SDK1: variants seen among roughly 807,000 people sequenced by gnomAD.
SDK1 encodes protein sidekick-1.
SDK1 carries 157 observed loss-of-function variants against 245.5 expected under a neutral mutation model. That is an observed-to-expected ratio of 0.64 (90% CI 0.56 to 0.73). The LOEUF (loss-of-function observed/expected upper bound fraction) is 0.73. Ranked by LOEUF, SDK1 falls within the 30% of genes least tolerant of loss-of-function variation. The pLI is 0.00. For synonymous variants in SDK1, 1,647 were observed against 1,278.5 expected, an observed-to-expected ratio of 1.29 and a Z score of -6.15; for missense variants, 3,583 against 3,002.3, an observed-to-expected ratio of 1.19 and a Z score of -4.52.
intron 5 of SDK1, among the ~76,000 whole-genome samples, chr7:3,950,044 C>G (rs1780736823): frequency 6.6e-6 from 1 of 152,166 alleles, no homozygotes; most frequent in Non-Finnish European, 1.5e-5. Flanking sequence ...ACTCAGTAAG[C>G]AAACTCTTAA....
chr7:3,790,878 G>T (rs1346373436), intron 4 of SDK1, among the ~76,000 whole-genome samples: 1 of 152,110 alleles, frequency 6.6e-6, no homozygotes, highest in Non-Finnish European at 1.5e-5. Flanking sequence ...TGGGACAGGG[G>T]AATATTCATT....
At chr7:3,532,444 C>T (rs777839181) in intron 1 of SDK1, among the ~76,000 whole-genome samples, 3 of 152,138 alleles carry the variant, frequency 2.0e-5, no homozygotes, top group Non-Finnish European at 2.9e-5. Flanking sequence ...ACTCCTGGTA[C>T]GTTAGGTCTC....
chr7:4,002,046 G>GAATT (rs1785114359), intron 14 of SDK1, among the ~76,000 whole-genome samples: 3 of 152,232 alleles, frequency 2.0e-5, no homozygotes, highest in Admixed American at 6.5e-5. Flanking sequence ...CTTAAGCTTG[G>GAATT]AATTCTACAG....
chr7:3,806,331 T>TCCACATTAGGATGTGGAC, intron 4 of SDK1, among the ~76,000 whole-genome samples: 1 of 130,374 alleles, frequency 7.7e-6, no homozygotes. Context: ...AGGATGTGGA[T>TCCACATTAGGATGTGGAC]GTCCACATTA....
chr7:4,051,163 A>G (rs906571298), intron 18 of SDK1, among the ~76,000 whole-genome samples: 10 of 140,112 alleles, frequency 7.1e-5, no homozygotes, highest in African/African-American at 2.4e-4. Flanking sequence ...TACATATAGT[A>G]TATATGTATA....
chr7:3,760,053 C>T (rs1395587769), intron 4 of SDK1, among the ~76,000 whole-genome samples: 1 of 151,936 alleles, frequency 6.6e-6, no homozygotes, highest in Admixed American at 6.6e-5. Flanking sequence ...AATTTGACTG[C>T]ACAAAAGAGC....
chr7:3,555,063 A>C (rs1779545508), intron 1 of SDK1, among the ~76,000 whole-genome samples: 1 of 152,238 alleles, frequency 6.6e-6, no homozygotes, highest in African/African-American at 2.4e-5. Context: ...TGAATTCTTC[A>C]CAGAAATAGA....
intron 4 of SDK1, among the ~76,000 whole-genome samples, chr7:3,714,821 G>C (rs1042315746): frequency 1.6e-4 from 25 of 152,152 alleles, no homozygotes; most frequent in Non-Finnish European, 4.4e-5. Context: ...GTCATTTTGT[G>C]TGTAAGTGTC....
At position 4,149,361 on chromosome 7, in the gene SDK1, C is replaced by G. The variant is rs766801042; in HGVS notation, c.4523C>G (p.Pro1508Arg). The change falls in exon 30 of 45, where the codon CCC becomes CGC. Residue 1508 changes from proline (P) to arginine (R), a missense_variant. By Grantham distance (103) the Pro-to-Arg change is moderately radical. Coordinates refer to ENST00000404826, the MANE Select transcript of SDK1 (RefSeq NM_152744.4). ...QWVPGSDGAS[P>R]IRYFTMQVRE... ...GTCCCGGGCAGCGACGGGGCCTCCCCCATCCGGTACTTCACCATGCAGGTG... is the reference window on the plus strand; with the variant it reads ...GTCCCGGGCAGCGACGGGGCCTCCCGCATCCGGTACTTCACCATGCAGGTG... 1 of 1,592,686 alleles carries G rather than the reference C, an allele frequency of 6.3e-7. No individual in the cohort carries two copies. Among genetic ancestry groups the G allele is most frequent in the East Asian group, 2.3e-5 (1 of 42,894 alleles).
At chr7:3,908,181 C>T (rs1779024462) in intron 5 of SDK1, among the ~76,000 whole-genome samples, 1 of 152,168 alleles carries the variant, frequency 6.6e-6, no homozygotes, top group African/African-American at 2.4e-5. Flanking sequence ...CAGGAAAGCA[C>T]AGAATGGGCC....
At chr7:3,649,678 G>C (rs748681307) in intron 4 of SDK1, among the ~76,000 whole-genome samples, 1 of 152,120 alleles carries the variant, frequency 6.6e-6, no homozygotes, top group Non-Finnish European at 1.5e-5. Context: ...CAGCGGTTTA[G>C]TACTGTTATT....
At chr7:3,700,048 A>G (rs1027775672) in intron 4 of SDK1, among the ~76,000 whole-genome samples, 3 of 152,160 alleles carry the variant, frequency 2.0e-5, no homozygotes, top group African/African-American at 7.2e-5. Context: ...GGTGGCAAAC[A>G]TTTTTCACTT....
chr7:3,847,499 A>G (rs1405388944), intron 5 of SDK1, among the ~76,000 whole-genome samples: 2 of 152,242 alleles, frequency 1.3e-5, no homozygotes, highest in African/African-American at 4.8e-5. Context: ...AAGAGTAGTA[A>G]GTGACAGAAG....
chr7:3,566,279 C>A (rs1414150294), intron 1 of SDK1, among the ~76,000 whole-genome samples: 2 of 141,700 alleles, frequency 1.4e-5, no homozygotes. Context: ...GGCTGGAGTG[C>A]AGTGGCGCGA....
intron 5 of SDK1, among the ~76,000 whole-genome samples, chr7:3,836,713 T>C (rs964059051): frequency 6.6e-6 from 1 of 152,224 alleles, no homozygotes; most frequent in African/African-American, 2.4e-5. Flanking sequence ...TTGCTTTCAA[T>C]ATGCAATACC....
intron 43 of SDK1, among the ~76,000 whole-genome samples, 188 bp from the exon 44 acceptor site, chr7:4,245,467 CCACAACTGACAGGCACAGGTA>C (rs897666010): frequency 1.6e-4 from 24 of 152,188 alleles, no homozygotes; most frequent in Admixed American, 2.0e-4. Context: ...AGCACAGTCT[CCACAACTGACAGGCACAGGTA>C]CACAGAGGCT....
At chr7:3,308,686 A>C (rs1001249934) in intron 1 of SDK1, among the ~76,000 whole-genome samples, 1 of 152,012 alleles carries the variant, frequency 6.6e-6, no homozygotes, top group African/African-American at 2.4e-5. Context: ...TAGGCTTTAG[A>C]GTTGTGGGTT....
intron 5 of SDK1, among the ~76,000 whole-genome samples, chr7:3,931,777 T>G: frequency 6.6e-6 from 1 of 152,120 alleles, no homozygotes; most frequent in South Asian, 2.1e-4. Context: ...TATGTATGAG[T>G]TTTTCCATAG....
At chr7:3,777,505 C>G (rs900581596) in intron 4 of SDK1, among the ~76,000 whole-genome samples, 2 of 152,186 alleles carry the variant, frequency 1.3e-5, no homozygotes, top group African/African-American at 4.8e-5. Flanking sequence ...TGAGCTGGAA[C>G]CAGAACCCAG....
Sources: gnomAD v4.1 joint callset for allele counts (sites outside exome capture counted in the v4.1 genomes callset) on GRCh38, gnomAD v4.1.1 for gene constraint, MANE v1.5 for transcripts, NCBI Gene and HGNC (gene_info 2026-07-23, HGNC 2026-07-21) for gene names.